Variants in PID1 observed in about 807,000 individuals in gnomAD.
The protein encoded by PID1 is PTB-containing, cubilin and LRP1-interacting protein.
Under a neutral mutation model 19.1 loss-of-function variants are expected in PID1, and 10 were observed. The ratio of observed to expected loss-of-function variants is 0.52; its 90% CI spans 0.32 to 0.89. The LOEUF (loss-of-function observed/expected upper bound fraction) is 0.89. Among genes scored for constraint, PID1 ranks in the 40% least tolerant of loss-of-function variants. PID1 has a pLI of 0.03. For synonymous variants in PID1, 130 were observed against 116.0 expected (o/e 1.12, Z -0.78); for missense variants, 248 against 285.3 (o/e 0.87, Z 0.94).
At chr2:229,129,778 T>C (rs888592859) in intron 2 of PID1, among the ~76,000 whole-genome samples, 13 of 152,296 alleles carry the variant, frequency 8.5e-5, no homozygotes, top group African/African-American at 3.1e-4. Flanking sequence ...CTCTTGCTCA[T>C]GTACACTGGG....
intron 1 of PID1, among the ~76,000 whole-genome samples, chr2:229,265,877 G>A (rs999178902): frequency 3.3e-5 from 5 of 152,106 alleles, no homozygotes; most frequent in African/African-American, 9.7e-5. Context: ...CAAACAAAAT[G>A]CAAAAGTTGC....
intron 2 of PID1, among the ~76,000 whole-genome samples, chr2:229,125,318 G>C (rs1204888776): frequency 6.6e-6 from 1 of 151,220 alleles, no homozygotes; most frequent in African/African-American, 2.4e-5. Context: ...GTATGAGTAA[G>C]AAATAAACCT....
rs181265692 is a variant in PID1 at position 229,126,707 on chromosome 2, T to G, written c.177+29111A>C. Among the ~76,000 whole-genome samples the G allele has an allele frequency of 9.2e-5, 14 of 152,330 alleles. No homozygotes were observed. The East Asian group carries it at 2.7e-3, about 29-fold the overall frequency. ...TCAGAGCATCATCAATTTTGTAAAT[T>G]TCTTCGTACCTTTGCTCAAATTTGA... On this transcript the variant is annotated intron_variant, in intron 2 of 2. Transcript: ENST00000392055.
At chr2:229,171,945 A>G (rs879639208) in intron 1 of PID1, among the ~76,000 whole-genome samples, 2 of 152,174 alleles carry the variant, frequency 1.3e-5, no homozygotes, top group Non-Finnish European at 2.9e-5. Flanking sequence ...GATGTTGACA[A>G]TCTTCAGCCA....
intron 2 of PID1, among the ~76,000 whole-genome samples, chr2:229,153,184 A>G (rs1245660671): frequency 6.6e-6 from 1 of 152,254 alleles, no homozygotes; most frequent in African/African-American, 2.4e-5. Flanking sequence ...AGAACACAAA[A>G]GTGACACTGT....
chr2:229,229,541 T>C (rs1486417706), intron 1 of PID1, among the ~76,000 whole-genome samples: 1 of 152,018 alleles, frequency 6.6e-6, no homozygotes, highest in Non-Finnish European at 1.5e-5. Flanking sequence ...GAATGCTGAG[T>C]GGAAGGATCG....
intron 1 of PID1, among the ~76,000 whole-genome samples, chr2:229,270,220 G>A (rs904319840): frequency 2.0e-5 from 3 of 152,218 alleles, no homozygotes; most frequent in Non-Finnish European, 4.4e-5. Context: ...TAGCTGCCGT[G>A]ACTCTTGACA....
At chr2:229,220,597 G>C (rs764522341) in intron 1 of PID1, among the ~76,000 whole-genome samples, 1 of 152,086 alleles carries the variant, frequency 6.6e-6, no homozygotes, top group Admixed American at 6.5e-5. Context: ...TGGCAAACAA[G>C]GAGGTGATTC....
chr2:229,033,940 T>C (rs1693608268), intron 2 of PID1, among the ~76,000 whole-genome samples: 2 of 152,200 alleles, frequency 1.3e-5, no homozygotes, highest in Non-Finnish European at 2.9e-5. Flanking sequence ...GGGTGCAACA[T>C]AGAGATTTAT....
chr2:229,170,084 G>A (rs1313690356), intron 1 of PID1, among the ~76,000 whole-genome samples: 6 of 152,104 alleles, frequency 3.9e-5, no homozygotes, highest in Non-Finnish European at 8.8e-5. Context: ...CTATGAAACG[G>A]AAACCTTTAT....
At chr2:229,083,119 CA>C in intron 2 of PID1, among the ~76,000 whole-genome samples, 1 of 152,100 alleles carries the variant, frequency 6.6e-6, no homozygotes, top group South Asian at 2.1e-4. Context: ...GAAAGGCACC[CA>C]AGAGATTGTA....
At chr2:229,053,079 C>A (rs1388707790) in intron 2 of PID1, among the ~76,000 whole-genome samples, 3 of 152,250 alleles carry the variant, frequency 2.0e-5, no homozygotes, top group African/African-American at 7.2e-5. Flanking sequence ...TAATAGAACA[C>A]TTATAAACGT....
intron 1 of PID1, among the ~76,000 whole-genome samples, chr2:229,214,046 T>C (rs924427659): frequency 8.5e-5 from 13 of 152,198 alleles, no homozygotes; most frequent in African/African-American, 3.1e-4. Context: ...GGTGGGCATG[T>C]CTATAAACAA....
chr2:229,036,277 G>T (rs1559203795), intron 2 of PID1, among the ~76,000 whole-genome samples: 1 of 152,158 alleles, frequency 6.6e-6, no homozygotes, highest in Admixed American at 6.5e-5. Flanking sequence ...CTTTATGGTT[G>T]CAATGGCTCC....
chr2:229,245,037 G>A (rs1182568674), intron 1 of PID1: 1 of 152,106 alleles, frequency 6.6e-6, no homozygotes, highest in Non-Finnish European at 1.5e-5. Context: ...ACACAGGTCT[G>A]TTGTGTTGCA....
chr2:229,075,140 T>C (rs1266516104), intron 2 of PID1, among the ~76,000 whole-genome samples: 1 of 152,242 alleles, frequency 6.6e-6, no homozygotes, highest in Non-Finnish European at 1.5e-5. Flanking sequence ...ACACAAAGCC[T>C]ATTTTAAAAA....
intron 1 of PID1, among the ~76,000 whole-genome samples, chr2:229,255,743 C>T (rs1472147751): frequency 6.6e-6 from 1 of 152,086 alleles, no homozygotes; most frequent in Admixed American, 6.6e-5. Context: ...GTAGAAGAAG[C>T]CTCCCACTTG....
intron 1 of PID1, among the ~76,000 whole-genome samples, chr2:229,264,264 T>G (rs191172904): frequency 1.3e-5 from 2 of 152,306 alleles, no homozygotes; most frequent in Admixed American, 6.5e-5. Flanking sequence ...CTCAGTAGTA[T>G]ACATGAAATT....
At chr2:229,261,041 G>A (rs1376077357) in intron 1 of PID1, among the ~76,000 whole-genome samples, 8 of 151,956 alleles carry the variant, frequency 5.3e-5, no homozygotes, top group Admixed American at 3.9e-4. Flanking sequence ...TTATAAACAG[G>A]GGAAATCTTG....
Sources: gnomAD v4.1 joint callset for allele counts (sites outside exome capture counted in the v4.1 genomes callset) on GRCh38, gnomAD v4.1.1 for gene constraint, MANE v1.5 for transcripts, NCBI Gene and HGNC (gene_info 2026-07-23, HGNC 2026-07-21) for gene names.